USP4: variants seen among roughly 807,000 people sequenced by gnomAD.
USP4 encodes ubiquitin carboxyl-terminal hydrolase 4.
A neutral mutation model predicts 118.2 loss-of-function variants in USP4; 72 were observed. The observed-to-expected ratio is 0.61, with a 90% CI of 0.50 to 0.74. USP4 has a LOEUF of 0.74. Among genes scored for constraint, USP4 ranks in the 30% least tolerant of loss-of-function variants. The pLI is 0.00. For missense variants in USP4, 1,037 were observed against 1,185.7 expected, an observed-to-expected ratio of 0.87 and a Z score of 1.84; for synonymous variants, 415 against 440.4, an observed-to-expected ratio of 0.94 and a Z score of 0.72.
At chr3:49,335,945 C>A (rs2047664994) in intron 1 of USP4, among the ~76,000 whole-genome samples, 1 of 152,096 alleles carries the variant, frequency 6.6e-6, no homozygotes. Flanking sequence ...CTCACTGCAA[C>A]CTCTGCCTCC....
chr3:49,301,998 G>A (rs971992455), intron 10 of USP4, among the ~76,000 whole-genome samples: 1 of 151,978 alleles, frequency 6.6e-6, no homozygotes, highest in Non-Finnish European at 1.5e-5. Flanking sequence ...TTAGTCCCTA[G>A]TTCACCAGTG....
intron 8 of USP4, among the ~76,000 whole-genome samples, chr3:49,308,700 T>C (rs866080045): frequency 6.6e-6 from 1 of 151,122 alleles, no homozygotes; most frequent in African/African-American, 2.4e-5. Context: ...TTTGCAGTAC[T>C]CCATATGCAT....
chr3:49,315,133 G>C (rs2047422093), intron 6 of USP4, among the ~76,000 whole-genome samples: 1 of 152,008 alleles, frequency 6.6e-6, no homozygotes, highest in South Asian at 2.1e-4. Flanking sequence ...CCTTAGGCTG[G>C]GTGCAGTGGC....
chr3:49,287,692 C>G (rs897578531), intron 15 of USP4, among the ~76,000 whole-genome samples: 5 of 152,126 alleles, frequency 3.3e-5, no homozygotes, highest in African/African-American at 1.2e-4. Context: ...AAGCAGGTCT[C>G]GAACTCCAGC....
At chr3:49,315,754 T>C (rs2047428522) in intron 6 of USP4, among the ~76,000 whole-genome samples, 1 of 152,152 alleles carries the variant, frequency 6.6e-6, no homozygotes, top group South Asian at 2.1e-4. Flanking sequence ...CCTGATACCA[T>C]GGTGGGACCC....
chr3:49,302,564 C>T (rs768465489), intron 9 of USP4, 22 bp from the exon 10 acceptor site: 1 of 1,608,872 alleles, frequency 6.2e-7, no homozygotes, highest in Non-Finnish European at 8.5e-7. Context: ...GCAACTGTAT[C>T]AGAAGGCATA....
intron 13 of USP4, among the ~76,000 whole-genome samples, chr3:49,295,971 T>C (rs2047203735): frequency 6.6e-6 from 1 of 152,108 alleles, no homozygotes; most frequent in Admixed American, 6.6e-5. Flanking sequence ...GACAATGGGA[T>C]TACCCACTTT....
Position 49,300,484 on chromosome 3 carries a change from G to A in USP4, c.1495C>T (p.His499Tyr), listed in dbSNP as rs1263578277. ...TCTGTCACCTGAGTAGGTCTGCAGT[G>A]AGGGTCAGCAGGAACCAGGAAAACC... The part of the protein sequence containing the change: ...MEVFLVPADP[H>Y]CRPTQYRVTV... Residue 499 changes from histidine to tyrosine, a missense_variant, in exon 11 of 22, where the codon CAC (histidine) becomes TAC (tyrosine). His to Tyr is a moderately conservative substitution (Grantham distance 83). Transcript: ENST00000265560. 56 of 1,614,046 alleles carry A rather than the reference G, an allele frequency of 3.5e-5. No homozygotes were observed. The highest frequency in any genetic ancestry group is 6.7e-5 in the East Asian group (3 of 44,906).
At position 49,277,149 on chromosome 3, in the gene USP4, C is replaced by CCCTTTGG. The variant is rs1559461028; in HGVS notation, c.*1137_*1143dup. The CCCTTTGG allele has an allele frequency of 6.9e-7, 1 of 1,439,370 alleles. No individual in the cohort carries two copies. Among genetic ancestry groups the CCCTTTGG allele is most frequent in the Non-Finnish European group, 9.2e-7 (1 of 1,084,870 alleles). 89.2% of individuals were successfully genotyped at this position (1,439,370 alleles called of 1,614,324 possible). A position where few individuals can be genotyped will look rare whatever the true frequency, so the allele number is the denominator to read the frequency against. On this transcript the variant is annotated 3_prime_UTR_variant, in exon 22 of 22. Coordinates refer to ENST00000265560, the MANE Select transcript of USP4 (RefSeq NM_003363.4). ...AGGCCGCTGGCCCTACCGGCACCCC[C>CCCTTTGG]CCTTTGGCGAGTCGGCAGCCACGTC...
At position 49,278,122 on chromosome 3, in the gene USP4, T is replaced by C. The variant is rs756649895; in HGVS notation, c.*171A>G. 4.1e-6 allele frequency: 3 copies of C among 733,022 alleles called. No homozygotes were observed. Among genetic ancestry groups the C allele is most frequent in the Non-Finnish European group, 6.2e-6 (3 of 486,348 alleles). 45.4% of individuals were successfully genotyped at this position (733,022 alleles called of 1,614,324 possible). The stretch of plus-strand genomic sequence containing the variant: ...AATAATTCAGCCTCTTGACATAGCT[T>C]CTTCTAGGTAAACGGTCTTCTTTTT... On this transcript the variant is annotated 3_prime_UTR_variant, in exon 22 of 22. Coordinates refer to ENST00000265560, the MANE Select transcript of USP4 (RefSeq NM_003363.4).
intron 15 of USP4, among the ~76,000 whole-genome samples, chr3:49,289,798 CA>C (rs55775206): frequency 2.8e-5 from 4 of 144,414 alleles, no homozygotes; most frequent in Admixed American, 6.9e-5. Flanking sequence ...GACTCAGTCT[CA>C]AAAAAAAAAG....
rs1173500243 is a variant in USP4, at chr3:49,323,271, TAAAAAAAAAA to T, written c.695+1421_695+1430del. On this transcript the variant is annotated intron_variant, in intron 6 of 21. Coordinates refer to ENST00000265560, the MANE Select transcript of USP4 (RefSeq NM_003363.4). ...CATGAGCCACTGCTCCTGGCCTTTT[TAAAAAAAAAA>T]AAAAAAAAAAAAAAAAAGAGATGGG... Among the ~76,000 whole-genome samples the T allele has an allele frequency of 4.1e-3, 416 of 101,224 alleles. 2 individuals are homozygous for T. The highest frequency in any genetic ancestry group is 0.015 in the African/African-American group (395 of 26,694). The allele number at this position is 101,224 out of a possible 152,430, so 66.4% of individuals were successfully genotyped here.
At chr3:49,320,877 C>T (rs2047492224) in intron 6 of USP4, among the ~76,000 whole-genome samples, 1 of 152,092 alleles carries the variant, frequency 6.6e-6, no homozygotes, top group Non-Finnish European at 1.5e-5. Flanking sequence ...CTCCTGCTAG[C>T]TATTTTCCCC....
intron 8 of USP4, among the ~76,000 whole-genome samples, chr3:49,310,204 C>T (rs1394445084): frequency 2.0e-5 from 3 of 151,934 alleles, no homozygotes; most frequent in Non-Finnish European, 4.4e-5. Context: ...GGATTACAGG[C>T]GTGAGCCACT....
intron 6 of USP4, chr3:49,317,013 C>T (rs1432975026): frequency 1.4e-5 from 11 of 790,800 alleles, no homozygotes; most frequent in Admixed American, 1.1e-4. Flanking sequence ...ATGAAGAAGA[C>T]GCTCTGTGGA....
At chr3:49,309,882 C>A (rs577094238) in intron 8 of USP4, among the ~76,000 whole-genome samples, 1 of 148,294 alleles carries the variant, frequency 6.7e-6, no homozygotes, top group Non-Finnish European at 1.5e-5. Flanking sequence ...CCGCCTTAGC[C>A]TCCCAAAGTG....
Position 49,302,467 on chromosome 3 carries a change from G to C in USP4, c.1204C>G (p.Leu402Val), listed in dbSNP as rs2047271554. The change falls in exon 10 of 22, where the codon CTA (leucine) becomes GTA (valine). Residue 402 changes from leucine (L) to valine (V), a missense_variant. Leu to Val is a conservative substitution (Grantham distance 32). Coordinates refer to ENST00000265560, the MANE Select transcript of USP4 (RefSeq NM_003363.4). ...QDSQELLAFL[L>V]DGLHEDLNRV... Reference sequence around the variant, plus strand: ...TTCAGATCTTCATGCAATCCATCTAGAAGAAAGGCCAGCAGCTCCTGAGAA... The same window carrying C: ...TTCAGATCTTCATGCAATCCATCTACAAGAAAGGCCAGCAGCTCCTGAGAA... 1.9e-6 allele frequency: 3 copies of C among 1,614,174 alleles called. No homozygotes were observed. Among genetic ancestry groups the C allele is most frequent in the Middle Eastern group, 1.6e-4 (1 of 6,062 alleles).
chr3:49,298,473 G>A, intron 12 of USP4, 79 bp downstream of exon 12: 1 of 1,380,510 alleles, frequency 7.2e-7, no homozygotes, highest in East Asian at 2.3e-5. Context: ...CCCAAAAAGT[G>A]GCTTCAAGGT....
At chr3:49,323,944 CAAT>C (rs1327997956) in intron 6 of USP4, among the ~76,000 whole-genome samples, 1 of 152,130 alleles carries the variant, frequency 6.6e-6, no homozygotes, top group Non-Finnish European at 1.5e-5. Flanking sequence ...CCCAGGGCAA[CAAT>C]GAGTAACAGG....
Sources: allele counts gnomAD v4.1 joint callset (sites outside exome capture counted in the v4.1 genomes callset), GRCh38; gene constraint gnomAD v4.1.1; transcripts MANE v1.5; gene names NCBI Gene and HGNC (gene_info 2026-07-23, HGNC 2026-07-21).